DYNC2H1: variants seen among roughly 807,000 people sequenced by gnomAD.
The protein encoded by DYNC2H1 is cytoplasmic dynein 2 heavy chain 1.
A neutral mutation model predicts 570.0 loss-of-function variants in DYNC2H1; 410 were observed. The ratio of observed to expected loss-of-function variants is 0.72; its 90% confidence interval spans 0.66 to 0.78. The LOEUF is 0.78. Ranked by LOEUF, DYNC2H1 falls within the 30% of genes least tolerant of loss-of-function variation. DYNC2H1 has a pLI of 0.00. For missense variants in DYNC2H1, 4,865 were observed against 5,046.4 expected (o/e 0.96, Z 1.09); for synonymous variants, 1,688 against 1,677.6 (o/e 1.01, Z -0.15).
intron 83 of DYNC2H1, among the ~76,000 whole-genome samples, chr11:103,370,727 G>A (rs1347068212): frequency 6.6e-6 from 1 of 152,110 alleles, no homozygotes; most frequent in East Asian, 1.9e-4. Flanking sequence ...CATCAAGGTG[G>A]CACCTCTATG....
chr11:103,233,879 G>T (rs56232336), intron 60 of DYNC2H1, among the ~76,000 whole-genome samples, 155 bp from the exon 61 acceptor site: 14,917 of 44,922 alleles, frequency 0.33, 1,135 homozygotes, highest in East Asian at 0.49. Context: ...TGTGTGTGTG[G>T]GTTTGTCTCT....
rs1864103457 is a variant in DYNC2H1 at position 103,233,723 on chromosome 11, G to A, written c.9441-311G>A. On this transcript the variant is annotated intron_variant, in intron 60 of 88. Transcript: ENST00000375735. ...ATGAAATAAAACTAGAAAGACAGAT[G>A]GGATGTTTAGGACAGTGCCTTGAAT... is the stretch of plus-strand genomic sequence containing the variant. 2.0e-5 allele frequency among the ~76,000 whole-genome samples: 3 copies of A among 151,714 alleles called. No homozygotes were observed. The South Asian group carries it at 6.2e-4, about 31-fold the overall frequency.
At chr11:103,140,288 T>A (rs1397068392) in intron 17 of DYNC2H1, among the ~76,000 whole-genome samples, 2 of 152,224 alleles carry the variant, frequency 1.3e-5, no homozygotes, top group African/African-American at 4.8e-5. Flanking sequence ...CGTTAGTTGA[T>A]GCAGTTTCTT....
chr11:103,175,111 A>C (rs536971882), intron 36 of DYNC2H1, among the ~76,000 whole-genome samples: 1 of 152,280 alleles, frequency 6.6e-6, no homozygotes, highest in East Asian at 1.9e-4. Context: ...TTTTATTCAC[A>C]TAAAAATAAT....
Position 103,321,136 on chromosome 11 carries a change from AAGC to A in DYNC2H1, c.11836_11838del (p.Gln3946del), listed in dbSNP as rs1275180189. 6.2e-7 allele frequency: 1 copy of A among 1,612,418 alleles called. No individual in the cohort carries two copies. Among genetic ancestry groups the A allele is most frequent in the Admixed American group, 1.7e-5 (1 of 59,852 alleles). On this transcript the variant is annotated inframe_deletion, in exon 81 of 89. Coordinates refer to ENST00000375735, the MANE Select transcript of DYNC2H1 (RefSeq NM_001377.3). ...CCTTAGAGTTCTTCAGTCATACCTG[AAGC>A]AGTTTTTTAATTCTTCAGTTATTGA... is the stretch of plus-strand genomic sequence containing the variant.
intron 88 of DYNC2H1, among the ~76,000 whole-genome samples, chr11:103,471,074 C>A (rs1376974185): frequency 1.3e-5 from 2 of 151,974 alleles, no homozygotes; most frequent in Non-Finnish European, 2.9e-5. Context: ...CTCTCCAGCA[C>A]CTGTTGTTTC....
chr11:103,177,440 C>G lies in DYNC2H1; in HGVS notation c.5875-116C>G. On this transcript the variant is annotated intron_variant, in intron 37 of 88. Transcript: ENST00000375735. This position sits in a 1 kb window ranked among gnomAD's most constrained non-coding sequence, Gnocchi z 4.4. ...CTATTACATTTTAGGCAATACCTTC[C>G]ACTGAAGAAATCAAAGGCTTAATTT... 1 of 983,054 alleles carries G rather than the reference C, an allele frequency of 1.0e-6. No individual in the cohort carries two copies. The highest frequency in any genetic ancestry group is 1.4e-6 in the Non-Finnish European group (1 of 690,506). 60.9% of individuals were successfully genotyped at this position (983,054 alleles called of 1,614,324 possible).
chr11:103,336,536 G>A (rs978906926), intron 82 of DYNC2H1, among the ~76,000 whole-genome samples: 4 of 151,120 alleles, frequency 2.6e-5, no homozygotes, highest in Non-Finnish European at 2.9e-5. Context: ...TAGCTCCCAC[G>A]TATGAATGAG....
chr11:103,216,789 C>CAA (rs5794214), intron 55 of DYNC2H1, among the ~76,000 whole-genome samples: 105 of 147,782 alleles, frequency 7.1e-4, no homozygotes, highest in South Asian at 2.2e-3. Flanking sequence ...GCAAGACTCT[C>CAA]AAAAAAAAAA....
chr11:103,135,155 T>C (rs973498488), intron 15 of DYNC2H1, among the ~76,000 whole-genome samples: 1 of 152,092 alleles, frequency 6.6e-6, no homozygotes, highest in African/African-American at 2.4e-5. Context: ...TTGATGGGAA[T>C]TTTTGAAAAA....
At chr11:103,231,441 C>G in intron 60 of DYNC2H1, 95 bp downstream of exon 60, 1 of 732,842 alleles carries the variant, frequency 1.4e-6, no homozygotes, top group Non-Finnish European at 2.2e-6. Flanking sequence ...AAGATTTAGA[C>G]TCTTATGTCA....
At chr11:103,390,607 A>G (rs376837375) in intron 83 of DYNC2H1, among the ~76,000 whole-genome samples, 3 of 152,090 alleles carry the variant, frequency 2.0e-5, no homozygotes, top group Admixed American at 6.5e-5. Flanking sequence ...GGGCTTTACA[A>G]TTTGGCATGT....
intron 83 of DYNC2H1, among the ~76,000 whole-genome samples, chr11:103,384,008 G>A (rs2566939): frequency 0.44 from 66,523 of 151,898 alleles, 16,158 homozygotes; most frequent in Non-Finnish European, 0.55. Flanking sequence ...TAGAGAATAT[G>A]GTCTTATGAC....
At chr11:103,303,378 T>C in intron 76 of DYNC2H1, 125 bp downstream of exon 76, 1 of 1,019,992 alleles carries the variant, frequency 9.8e-7, no homozygotes, top group Non-Finnish European at 1.4e-6. Context: ...GTCTATGTCC[T>C]AATCCTCAGA....
intron 13 of DYNC2H1, among the ~76,000 whole-genome samples, chr11:103,132,451 A>G (rs1461749313): frequency 2.0e-5 from 3 of 152,050 alleles, no homozygotes; most frequent in Non-Finnish European, 4.4e-5. Context: ...AATCCTTGTC[A>G]GATAATTCTT....
At chr11:103,152,795 G>A (rs1277694525) in intron 21 of DYNC2H1, among the ~76,000 whole-genome samples, 1 of 152,030 alleles carries the variant, frequency 6.6e-6, no homozygotes, top group East Asian at 1.9e-4. Context: ...TGTGTAGTAG[G>A]GTTGGGAGAG....
rs1278592711 is a variant in DYNC2H1, at chr11:103,392,969, C to T, written c.12157-6694C>T. ...TGTGATCTCAGCTCACTGCAACCTC[C>T]GCCTCCCAGGTTCAAGCGATTCTCC... On this transcript the variant is annotated intron_variant, in intron 83 of 88. Coordinates refer to ENST00000375735, the MANE Select transcript of DYNC2H1 (RefSeq NM_001377.3). Among the ~76,000 whole-genome samples, 7 of 151,968 alleles carry T rather than the reference C, an allele frequency of 4.6e-5. No individual in the cohort carries two copies. The East Asian group carries it at 5.8e-4, about 13-fold the overall frequency.
chr11:103,451,055 C>T (rs1347099051), intron 85 of DYNC2H1, among the ~76,000 whole-genome samples: 1 of 151,992 alleles, frequency 6.6e-6, no homozygotes, highest in Non-Finnish European at 1.5e-5. Context: ...ATAATTTAAT[C>T]AGCTAATTTC....
Position 103,283,985 on chromosome 11 carries a change from G to T in DYNC2H1, c.10890+900G>T, listed in dbSNP as rs1048208728. ...GTCAGGCTCTTGAACCTTCTTCTAG[G>T]CCCACCTGTGCACTTCCTTGTAAAA... On this transcript the variant is annotated intron_variant, in intron 73 of 88. Coordinates refer to ENST00000375735, the MANE Select transcript of DYNC2H1 (RefSeq NM_001377.3). Among the ~76,000 whole-genome samples, 4 of 150,008 alleles carry T rather than the reference G, an allele frequency of 2.7e-5. No individual in the cohort carries two copies. The Admixed American group carries it at 2.7e-4, about 10-fold the overall frequency.
Sources: allele counts gnomAD v4.1 joint callset (sites outside exome capture counted in the v4.1 genomes callset), GRCh38; gene constraint gnomAD v4.1.1; non-coding constraint Gnocchi (gnomAD v3.1); transcripts MANE v1.5; gene names NCBI Gene and HGNC (gene_info 2026-07-23, HGNC 2026-07-21).